The following SLC25A12 variants were observed in gnomAD, a reference collection of about 807,000 sequenced individuals.
The protein encoded by SLC25A12 is electrogenic aspartate/glutamate antiporter SLC25A12, mitochondrial.
A neutral mutation model predicts 83.3 loss-of-function variants in SLC25A12; 32 were observed. The ratio of observed to expected loss-of-function variants is 0.38; its 90% CI spans 0.29 to 0.52. SLC25A12 has a LOEUF of 0.52. Among genes scored for constraint, SLC25A12 ranks in the 20% least tolerant of loss-of-function variants. SLC25A12 has a pLI of 0.84. For missense variants in SLC25A12, 611 were observed against 835.6 expected, an observed-to-expected ratio of 0.73 and a Z score of 3.31; for synonymous variants, 267 against 291.1, an observed-to-expected ratio of 0.92 and a Z score of 0.84.
Position 171,838,302 on chromosome 2 carries a change from C to T in SLC25A12, c.466-1035G>A, listed in dbSNP as rs138943799. Among the ~76,000 whole-genome samples the T allele has an allele frequency of 3.2e-4, 49 of 152,146 alleles. No individual in the cohort carries two copies. The East Asian group carries it at 9.4e-3, about 29-fold the overall frequency. On this transcript the variant is annotated intron_variant, in intron 5 of 17. Coordinates refer to ENST00000422440, the MANE Select transcript of SLC25A12 (RefSeq NM_003705.5). ...ATCATTTTTATTTAATTATATTTTC[C>T]TATGGACTTGTGATAACTCACTCCA...
chr2:171,886,595 A>C (rs1003684102), intron 2 of SLC25A12, among the ~76,000 whole-genome samples: 1 of 151,278 alleles, frequency 6.6e-6, no homozygotes, highest in Non-Finnish European at 1.5e-5. Context: ...CTGCAACCTC[A>C]GCCTCCCAGG....
At chr2:171,849,204 A>ATAC (rs1684860669) in intron 4 of SLC25A12, among the ~76,000 whole-genome samples, 3 of 151,920 alleles carry the variant, frequency 2.0e-5, no homozygotes, top group Admixed American at 6.6e-5. Context: ...TTAATAAATA[A>ATAC]ATACATACAT....
chr2:171,793,425 A>C (rs1321637856), intron 14 of SLC25A12, among the ~76,000 whole-genome samples: 1 of 152,114 alleles, frequency 6.6e-6, no homozygotes, highest in Admixed American at 6.5e-5. Context: ...GCAGTTTCAT[A>C]AAAGCCTGAT....
At chr2:171,816,062 C>CTTTTT (rs761249375) in intron 9 of SLC25A12, among the ~76,000 whole-genome samples, 2 of 127,508 alleles carry the variant, frequency 1.6e-5, no homozygotes, top group East Asian at 2.2e-4. Flanking sequence ...AAAAATATTC[C>CTTTTT]TTTTTTTTTT....
At chr2:171,859,843 C>A (rs530699915) in intron 3 of SLC25A12, among the ~76,000 whole-genome samples, 1 of 152,036 alleles carries the variant, frequency 6.6e-6, no homozygotes, top group Non-Finnish European at 1.5e-5. Flanking sequence ...CCCACTGCAA[C>A]CTCCGCCTCC....
At chr2:171,788,033 C>T in intron 15 of SLC25A12, 86 bp from the exon 16 acceptor site, 2 of 1,366,292 alleles carry the variant, frequency 1.5e-6, no homozygotes, top group Non-Finnish European at 2.1e-6. Flanking sequence ...GAGCCTGCAA[C>T]TTCAACCACT....
chr2:171,824,610 T>C (rs1375746431), intron 9 of SLC25A12, among the ~76,000 whole-genome samples: 1 of 152,142 alleles, frequency 6.6e-6, no homozygotes, highest in East Asian at 1.9e-4. Context: ...CACAGATGTA[T>C]AGGCTACAAA....
chr2:171,857,004 T>G (rs1685060427), intron 3 of SLC25A12, among the ~76,000 whole-genome samples: 1 of 152,222 alleles, frequency 6.6e-6, no homozygotes, highest in East Asian at 1.9e-4. Flanking sequence ...TTGGTAATGA[T>G]TAAAAGTAGG....
At position 171,834,710 on chromosome 2, in the gene SLC25A12, A is replaced by G. The variant is rs575491061; in HGVS notation, c.751+17T>C. ...AAAATGCTGAGATTCTTATTTATGTATATTTTAAAATCTTACCCTTTGTGA... is the reference window on the plus strand; with the variant it reads ...AAAATGCTGAGATTCTTATTTATGTGTATTTTAAAATCTTACCCTTTGTGA... On this transcript the variant is annotated intron_variant, in intron 7 of 17. Transcript: ENST00000422440. The G allele has an allele frequency of 5.0e-6, 8 of 1,611,340 alleles. No individual in the cohort carries two copies. In the African/African-American group the frequency reaches 1.1e-4, roughly 21 times the overall value.
At chr2:171,862,761 C>T (rs868532208) in intron 3 of SLC25A12, among the ~76,000 whole-genome samples, 8 of 152,142 alleles carry the variant, frequency 5.3e-5, no homozygotes, top group Non-Finnish European at 7.3e-5. Flanking sequence ...ATCTATAGGA[C>T]TCATCATCAG....
chr2:171,865,243 G>A (rs1685261171), intron 3 of SLC25A12, among the ~76,000 whole-genome samples: 1 of 152,046 alleles, frequency 6.6e-6, no homozygotes, highest in Non-Finnish European at 1.5e-5. Flanking sequence ...ATAAAATGAG[G>A]CTTTTCCCGT....
At chr2:171,809,902 G>A in intron 12 of SLC25A12, among the ~76,000 whole-genome samples, 1 of 152,196 alleles carries the variant, frequency 6.6e-6, no homozygotes, top group East Asian at 1.9e-4. Context: ...GTCTCACTCT[G>A]TTGCTCAGGC....
Position 171,784,789 on chromosome 2 carries a change from T to C in SLC25A12, c.*485A>G. ...AACTAGGAATTAAATACATCCAATA[T>C]TGATGCTTTATTTCCATAAGTCACC... On this transcript the variant is annotated 3_prime_UTR_variant, in exon 18 of 18. Transcript: ENST00000422440. The C allele has an allele frequency of 5.5e-6, 1 of 182,838 alleles. No homozygotes were observed. The highest frequency in any genetic ancestry group is 1.3e-4 in the East Asian group (1 of 7,704). 11.3% of individuals were successfully genotyped at this position (182,838 alleles called of 1,614,324 possible).
intron 13 of SLC25A12, among the ~76,000 whole-genome samples, chr2:171,794,448 A>G (rs1683555223): frequency 6.6e-6 from 1 of 152,242 alleles, no homozygotes; most frequent in Non-Finnish European, 1.5e-5. Flanking sequence ...TTCAAGGCAA[A>G]GCTGAGAAAT....
intron 11 of SLC25A12, 44 bp from the exon 12 acceptor site, chr2:171,810,320 C>T: frequency 7.0e-7 from 1 of 1,435,564 alleles, no homozygotes; most frequent in South Asian, 1.1e-5. Context: ...CTGTACCAGA[C>T]ATGAATACAC....
At chr2:171,836,135 G>A (rs1415947812) in intron 6 of SLC25A12, among the ~76,000 whole-genome samples, 1 of 151,460 alleles carries the variant, frequency 6.6e-6, no homozygotes, top group East Asian at 1.9e-4. Context: ...TTTGGTTGGG[G>A]TATGAGGTGA....
rs1410727188 is a variant in SLC25A12 at position 171,871,198 on chromosome 2, T to A, written c.67-2375A>T. Among the ~76,000 whole-genome samples the A allele has an allele frequency of 2.0e-5, 3 of 151,724 alleles. No homozygotes were observed. The East Asian group carries it at 5.8e-4, about 30-fold the overall frequency. ...GTCTGAGTGACAGAGCAAGACCCTG[T>A]CCAAAAGAACAAAAAACAAACAAAA... On this transcript the variant is annotated intron_variant, in intron 2 of 17. Transcript: ENST00000422440.
intron 13 of SLC25A12, among the ~76,000 whole-genome samples, chr2:171,806,386 T>TG (rs1219693680): frequency 6.6e-6 from 1 of 151,956 alleles, no homozygotes; most frequent in Non-Finnish European, 1.5e-5. Context: ...ACCTGGGAGG[T>TG]GGAGGCTGCG....
intron 4 of SLC25A12, among the ~76,000 whole-genome samples, chr2:171,849,554 T>C (rs1034355209): frequency 7.0e-6 from 1 of 142,864 alleles, no homozygotes; most frequent in African/African-American, 2.7e-5. Context: ...GTCAGTGGTG[T>C]GATCTTTTTT....
Sources: gnomAD v4.1 joint callset for allele counts (sites outside exome capture counted in the v4.1 genomes callset) on GRCh38, gnomAD v4.1.1 for gene constraint, MANE v1.5 for transcripts, NCBI Gene and HGNC (gene_info 2026-07-23, HGNC 2026-07-21) for gene names.